Variants in TEX11 observed in about 807,000 individuals in gnomAD.
The protein encoded by TEX11 is testis-expressed protein 11.
Under a neutral mutation model 84.4 loss-of-function variants are expected in TEX11, and 7 were observed. That is an observed-to-expected ratio of 0.08 (90% CI 0.05 to 0.16). The LOEUF (loss-of-function observed/expected upper bound fraction) is 0.16, where lower values mean the gene tolerates loss of function less well. Ranked by LOEUF, TEX11 falls within the 10% of genes least tolerant of loss-of-function variation. The probability of loss-of-function intolerance (pLI) is 1.00; values close to 1 mark genes in which losing one functional copy is unlikely to be tolerated. For missense variants in TEX11, 551 were observed against 660.5 expected (o/e 0.83, Z 1.82); for synonymous variants, 264 against 222.8 (o/e 1.18, Z -1.64).
Position 70,610,536 on chromosome X carries a change from C to T in TEX11, c.1759G>A (p.Glu587Lys). 1 of 1,206,049 alleles carries T rather than the reference C, an allele frequency of 8.3e-7. No individual in the cohort carries two copies. The highest frequency in any genetic ancestry group is 3.0e-5 in the East Asian group (1 of 33,765). Residue 587 changes from glutamate (E) to lysine (K), a missense_variant, in exon 21 of 30, where the codon GAA (glutamate) becomes AAA (lysine). By Grantham distance (56) the Glu-to-Lys change is moderately conservative. Coordinates refer to ENST00000374333, the MANE Select transcript of TEX11 (RefSeq NM_031276.3). Reference sequence around the variant, plus strand: ...AGGCAAGTCAAAAGTCGATCCATTTCTTTCTTCCTAAAAATAAAGAAAAGG... The same window carrying T: ...AGGCAAGTCAAAAGTCGATCCATTTTTTTCTTCCTAAAAATAAAGAAAAGG... ...EMPESEDKKK[E>K]MDRLLTCLNR...
chrX:70,833,967 T>C (rs746432606), intron 7 of TEX11, among the ~76,000 whole-genome samples: 2 of 111,666 alleles, frequency 1.8e-5, no homozygotes, highest in Admixed American at 9.6e-5. Flanking sequence ...GCAGTCTTTG[T>C]CTTAAAGCAA....
At chrX:70,806,267 C>A (rs1041290261) in intron 9 of TEX11, among the ~76,000 whole-genome samples, 2 of 111,194 alleles carry the variant, frequency 1.8e-5, no homozygotes, top group African/African-American at 6.5e-5. Context: ...ACAGCCTGGG[C>A]AACATGGCGA....
chrX:70,735,782 C>T (rs147335657), intron 11 of TEX11, among the ~76,000 whole-genome samples: 82 of 111,896 alleles, frequency 7.3e-4, no homozygotes, highest in African/African-American at 2.6e-3. Flanking sequence ...GAAATAAAAA[C>T]AAGTCGGAGG....
At chrX:70,720,361 G>A (rs1216862105) in intron 13 of TEX11, among the ~76,000 whole-genome samples, 2 of 110,468 alleles carry the variant, frequency 1.8e-5, no homozygotes, top group Non-Finnish European at 3.8e-5. Flanking sequence ...ACACACCGGG[G>A]CCTTTCATGG....
At chrX:70,849,197 T>C in intron 7 of TEX11, among the ~76,000 whole-genome samples, 1 of 112,200 alleles carries the variant, frequency 8.9e-6, no homozygotes, top group Non-Finnish European at 1.9e-5. Context: ...TGGCACTTAA[T>C]ATTTTTCTTT....
intron 25 of TEX11, among the ~76,000 whole-genome samples, chrX:70,587,535 G>C (rs1175277656): frequency 8.9e-6 from 1 of 112,698 alleles, no homozygotes; most frequent in Non-Finnish European, 1.9e-5. Flanking sequence ...GTCAAGAATT[G>C]AGGTTTGGGA....
intron 9 of TEX11, among the ~76,000 whole-genome samples, chrX:70,761,069 C>G (rs1209162309): frequency 8.9e-6 from 1 of 111,980 alleles, no homozygotes. Flanking sequence ...GATGCCATCT[C>G]ACACCAGTTA....
chrX:70,544,161 A>C (rs1479693914), intron 28 of TEX11, among the ~76,000 whole-genome samples: 1 of 111,963 alleles, frequency 8.9e-6, no homozygotes, highest in East Asian at 2.8e-4. Context: ...CAGACTTTAT[A>C]AACACTGTAT....
intron 4 of TEX11, among the ~76,000 whole-genome samples, chrX:70,868,131 A>T (rs1291731851): frequency 5.4e-5 from 6 of 112,014 alleles, no homozygotes; most frequent in African/African-American, 1.9e-4. Context: ...TATCCGTCTG[A>T]CAAAGGTCTA....
intron 8 of TEX11, among the ~76,000 whole-genome samples, chrX:70,811,434 A>G (rs2091253501): frequency 8.9e-6 from 1 of 112,018 alleles, no homozygotes; most frequent in Admixed American, 9.5e-5. Context: ...ACTGATGGAC[A>G]TTTGGGTTGG....
the TEX11 span, among the ~76,000 whole-genome samples, chrX:70,516,118 T>C: frequency 8.9e-6 from 1 of 112,225 alleles, no homozygotes; most frequent in African/African-American, 3.2e-5. Flanking sequence ...AGAAGCTCTT[T>C]AGTTTAATTA....
At chrX:70,889,219 G>A (rs924205688) in intron 2 of TEX11, among the ~76,000 whole-genome samples, 2 of 110,474 alleles carry the variant, frequency 1.8e-5, no homozygotes, top group East Asian at 2.8e-4. Flanking sequence ...AGTTTGAGAC[G>A]AGCCTGGCCA....
intron 17 of TEX11, among the ~76,000 whole-genome samples, chrX:70,643,831 T>C (rs1378775107): frequency 9.1e-6 from 1 of 110,340 alleles, no homozygotes; most frequent in African/African-American, 3.3e-5. Context: ...GAAGAAATCC[T>C]AGGCATTACC....
chrX:70,625,815 C>T (rs1298075104), intron 18 of TEX11, among the ~76,000 whole-genome samples: 1 of 106,131 alleles, frequency 9.4e-6, no homozygotes, highest in African/African-American at 3.4e-5. Context: ...CTCTTGTCAC[C>T]CAGGCTGAAG....
chrX:70,538,234 G>A (rs2087987695), intron 28 of TEX11, among the ~76,000 whole-genome samples: 1 of 111,418 alleles, frequency 9.0e-6, no homozygotes. Flanking sequence ...TAGCCTTAAG[G>A]GTCTAGGTAA....
chrX:70,664,668 T>G (rs1175250714), intron 16 of TEX11, among the ~76,000 whole-genome samples: 1 of 110,990 alleles, frequency 9.0e-6, no homozygotes, highest in Non-Finnish European at 1.9e-5. Flanking sequence ...CTACTTATTC[T>G]ATAGTGCTTG....
chrX:70,682,270 AAAG>A (rs1176753938), intron 14 of TEX11, among the ~76,000 whole-genome samples: 1 of 111,571 alleles, frequency 9.0e-6, no homozygotes, highest in Non-Finnish European at 1.9e-5. Context: ...CTGCTGCTGA[AAAG>A]AAGTTAGAAA....
At chrX:70,773,714 G>C (rs985087242) in intron 9 of TEX11, among the ~76,000 whole-genome samples, 1 of 111,937 alleles carries the variant, frequency 8.9e-6, no homozygotes, top group Non-Finnish European at 1.9e-5. Context: ...GGAGCTTCAA[G>C]ATGGCTAACT....
intron 4 of TEX11, among the ~76,000 whole-genome samples, chrX:70,871,455 T>C (rs1166965278): frequency 8.9e-6 from 1 of 112,335 alleles, no homozygotes; most frequent in African/African-American, 3.2e-5. Context: ...TCCTGTTCAT[T>C]GTTCCATAAT....
Sources: allele counts gnomAD v4.1 joint callset (sites outside exome capture counted in the v4.1 genomes callset), GRCh38; gene constraint gnomAD v4.1.1; transcripts MANE v1.5; gene names NCBI Gene and HGNC (gene_info 2026-07-23, HGNC 2026-07-21).